OSBPL9: variants seen among roughly 807,000 people sequenced by gnomAD.
OSBPL9 encodes the protein oxysterol binding protein like 9.
OSBPL9 carries 40 observed loss-of-function variants against 106.6 expected under a neutral mutation model. The observed-to-expected ratio is 0.38, with a 90% CI of 0.29 to 0.49. The LOEUF (loss-of-function observed/expected upper bound fraction) is 0.49, where lower values mean the gene tolerates loss of function less well. Ranked by LOEUF, OSBPL9 falls within the 20% of genes least tolerant of loss-of-function variation. The pLI, the probability that OSBPL9 is intolerant of heterozygous loss-of-function variation, is 0.97. For synonymous variants in OSBPL9, 269 were observed against 295.4 expected (o/e 0.91, Z 0.92); for missense variants, 609 against 887.2 (o/e 0.69, Z 3.98).
chr1:51,538,766 T>G, the OSBPL9 span: 1 of 152,216 alleles, frequency 6.6e-6, no homozygotes, highest in Non-Finnish European at 1.5e-5. Flanking sequence ...TAATTCTTAC[T>G]TAGACCACCC....
chr1:51,616,276 C>T (rs1367349360), upstream of OSBPL9, among the ~76,000 whole-genome samples: 5 of 152,092 alleles, frequency 3.3e-5, no homozygotes, highest in Admixed American at 1.3e-4. Context: ...CGAGCCACCG[C>T]GCCCAGCCAA....
At chr1:51,525,499 T>TA in the OSBPL9 span, among the ~76,000 whole-genome samples, 1 of 152,120 alleles carries the variant, frequency 6.6e-6, no homozygotes, top group Non-Finnish European at 1.5e-5. Flanking sequence ...TCTCACATTA[T>TA]AGCACAAATA....
At chr1:51,551,482 A>G in the OSBPL9 span, among the ~76,000 whole-genome samples, 1 of 152,186 alleles carries the variant, frequency 6.6e-6, no homozygotes, top group Non-Finnish European at 1.5e-5. Flanking sequence ...CCTGTTTAGA[A>G]TGTAGAATTT....
Position 51,772,083 on chromosome 1 carries a change from G to C in OSBPL9, c.952G>C (p.Ala318Pro), listed in dbSNP as rs748201462. The change falls in exon 13 of 24, where the codon GCC becomes CCC. Residue 318 changes from alanine (A) to proline (P), a missense_variant. By Grantham distance (27) the Ala-to-Pro change is conservative. Coordinates refer to ENST00000428468, the MANE Select transcript of OSBPL9 (RefSeq NM_024586.6). ...ATGTTTTTATAGTTCTTCTGGATCT[G>C]CCTCAGTCCTGACACACAGCAGCTC... Reference protein sequence around the residue: ...PKRLIDSSGSASVLTHSSSGN... With the variant: ...PKRLIDSSGSPSVLTHSSSGN... The C allele has an allele frequency of 6.2e-7, 1 of 1,612,356 alleles. No homozygotes were observed. Among genetic ancestry groups the C allele is most frequent in the East Asian group, 2.2e-5 (1 of 44,826 alleles).
chr1:51,618,428 A>G (rs976549525), intron 1 of OSBPL9, among the ~76,000 whole-genome samples: 1 of 152,182 alleles, frequency 6.6e-6, no homozygotes, highest in Admixed American at 6.5e-5. Context: ...TGAATGGTGT[A>G]TAGTTGACGA....
chr1:51,531,753 A>G, the OSBPL9 span, among the ~76,000 whole-genome samples: 1 of 152,198 alleles, frequency 6.6e-6, no homozygotes, highest in African/African-American at 2.4e-5. Flanking sequence ...TTTGGGTGTC[A>G]TTAGCATATG....
intron 1 of OSBPL9, among the ~76,000 whole-genome samples, chr1:51,630,497 A>G (rs1009392012): frequency 6.6e-6 from 1 of 151,960 alleles, no homozygotes; most frequent in South Asian, 2.1e-4. Flanking sequence ...CATAGAAAAG[A>G]TACAATAAAA....
At chr1:51,725,737 G>A (rs2148924203) in intron 4 of OSBPL9, among the ~76,000 whole-genome samples, 1 of 152,220 alleles carries the variant, frequency 6.6e-6, no homozygotes, top group Middle Eastern at 3.4e-3. Context: ...ACGCATTAGG[G>A]GATTTTTTTT....
chr1:51,597,921 G>A (rs1645310983), intron 1 of OSBPL9, among the ~76,000 whole-genome samples: 1 of 152,172 alleles, frequency 6.6e-6, no homozygotes, highest in Admixed American at 6.5e-5. Context: ...TTGCTCTCCA[G>A]GAATTCTCAG....
intron 2 of OSBPL9, among the ~76,000 whole-genome samples, chr1:51,657,725 A>T (rs1646900914): frequency 6.6e-6 from 1 of 152,166 alleles, no homozygotes; most frequent in Non-Finnish European, 1.5e-5. Context: ...CTGTGGTCTG[A>T]TCCTCTCCCA....
intron 3 of OSBPL9, among the ~76,000 whole-genome samples, chr1:51,700,664 G>A (rs963414870): frequency 6.6e-6 from 1 of 152,112 alleles, no homozygotes; most frequent in African/African-American, 2.4e-5. Context: ...AGAGGTATAG[G>A]ATGTCAATTA....
At chr1:51,767,904 ATTATT>A (rs1167840081) in intron 12 of OSBPL9, among the ~76,000 whole-genome samples, 2 of 131,854 alleles carry the variant, frequency 1.5e-5, no homozygotes, top group African/African-American at 5.7e-5. Context: ...GGGTTCAGTC[ATTATT>A]TTATTTAAAA....
intron 4 of OSBPL9, among the ~76,000 whole-genome samples, chr1:51,732,356 A>G (rs1474639694): frequency 6.6e-6 from 1 of 152,210 alleles, no homozygotes; most frequent in Non-Finnish European, 1.5e-5. Flanking sequence ...GATATTTATG[A>G]TGATTCTTAT....
At chr1:51,765,675 A>T (rs1052191797) in intron 11 of OSBPL9, 147 bp from the exon 12 acceptor site, 4 of 617,240 alleles carry the variant, frequency 6.5e-6, no homozygotes. Context: ...TGGAGTTTAA[A>T]TGTTGATTTT....
chr1:51,692,248 TG>T (rs1274693265), intron 3 of OSBPL9, among the ~76,000 whole-genome samples: 1 of 152,210 alleles, frequency 6.6e-6, no homozygotes, highest in East Asian at 1.9e-4. Flanking sequence ...AGGTCAGGGC[TG>T]CTGCAGTGAG....
chr1:51,744,145 A>G (rs1277149186), intron 4 of OSBPL9, among the ~76,000 whole-genome samples: 1 of 152,118 alleles, frequency 6.6e-6, no homozygotes, highest in Non-Finnish European at 1.5e-5. Context: ...TCTTAATAGG[A>G]CTTAGATTTT....
chr1:51,530,182 A>AC, the OSBPL9 span, among the ~76,000 whole-genome samples: 2 of 116,784 alleles, frequency 1.7e-5, no homozygotes, highest in Admixed American at 8.4e-5. Context: ...AAAAAAAAAA[A>AC]AAAAAAAAAA....
chr1:51,756,263 A>C, intron 8 of OSBPL9, 57 bp from the exon 9 acceptor site: 1 of 1,431,742 alleles, frequency 7.0e-7, no homozygotes, highest in Non-Finnish European at 9.8e-7. Context: ...GGAGAAATAC[A>C]CAAGGAGTTA....
chr1:51,669,387 C>T, intron 2 of OSBPL9, 47 bp from the exon 3 acceptor site: 1 of 1,521,584 alleles, frequency 6.6e-7, no homozygotes, highest in Non-Finnish European at 9.1e-7. Flanking sequence ...GTGAATATTG[C>T]TGATGTCATT....
Sources: gnomAD v4.1 joint callset for allele counts (sites outside exome capture counted in the v4.1 genomes callset) on GRCh38, gnomAD v4.1.1 for gene constraint, MANE v1.5 for transcripts, NCBI Gene and HGNC (gene_info 2026-07-23, HGNC 2026-07-21) for gene names.